SAMMSON: variants seen among roughly 807,000 people sequenced by gnomAD.
The protein encoded by SAMMSON is long intergenic non-protein coding RNA 1212.
chr3:70,165,833 T>C (rs1482745103), intron 4 of SAMMSON, among the ~76,000 whole-genome samples: 1 of 152,004 alleles, frequency 6.6e-6, no homozygotes, highest in Non-Finnish European at 1.5e-5. Context: ...TGCATCATAT[T>C]CCCAAAGCTA....
At chr3:70,407,922 G>A (rs1315007167) in intron 2 of SAMMSON, among the ~76,000 whole-genome samples, 1 of 152,218 alleles carries the variant, frequency 6.6e-6, no homozygotes, top group Admixed American at 6.5e-5. Flanking sequence ...CTTCTGCCTG[G>A]GCATCTAAGC....
At chr3:70,361,955 T>C (rs1328652717) in intron 9 of SAMMSON, among the ~76,000 whole-genome samples, 1 of 152,202 alleles carries the variant, frequency 6.6e-6, no homozygotes, top group East Asian at 1.9e-4. Flanking sequence ...TCTTTTGCTA[T>C]ATAAATAGAT....
At chr3:70,032,723 C>T (rs888133075) in intron 3 of SAMMSON, among the ~76,000 whole-genome samples, 4 of 152,118 alleles carry the variant, frequency 2.6e-5, no homozygotes, top group African/African-American at 9.7e-5. Flanking sequence ...GTGGTAGGGG[C>T]CAGCTGCTCT....
chr3:70,433,395 C>A (rs1051308402), intron 2 of SAMMSON, among the ~76,000 whole-genome samples: 49 of 152,106 alleles, frequency 3.2e-4, no homozygotes, highest in African/African-American at 1.1e-3. Flanking sequence ...TTTGCAATTC[C>A]CTGATAGTAT....
chr3:70,156,295 A>G (rs2067591586), intron 4 of SAMMSON, among the ~76,000 whole-genome samples: 1 of 152,094 alleles, frequency 6.6e-6, no homozygotes, highest in Admixed American at 6.6e-5. Flanking sequence ...ATCCCAAATC[A>G]CTGAAGTATT....
Position 70,385,565 on chromosome 3 carries a change from A to G in SAMMSON, n.914-4009A>G, listed in dbSNP as rs534402768. 7.2e-5 allele frequency among the ~76,000 whole-genome samples: 11 copies of G among 152,128 alleles called. No individual in the cohort carries two copies. In the South Asian group the frequency reaches 2.3e-3, roughly 31 times the overall value. On this transcript the variant is annotated intron_variant and non_coding_transcript_variant, in intron 9 of 9. Transcript: ENST00000642114. ...GACAATGGGGGGCACCAAGAATATTACCCATCCTTGAGTTGTCATGGTGTA... is the reference window on the plus strand; with the variant it reads ...GACAATGGGGGGCACCAAGAATATTGCCCATCCTTGAGTTGTCATGGTGTA...
At chr3:70,063,488 C>T (rs1026206380) in intron 3 of SAMMSON, among the ~76,000 whole-genome samples, 1 of 152,062 alleles carries the variant, frequency 6.6e-6, no homozygotes, top group African/African-American at 2.4e-5. Flanking sequence ...TTGAGATCCC[C>T]ATCAGCTTCT....
Position 70,281,403 on chromosome 3 carries a change from C to T in SAMMSON, n.675-9776C>T, listed in dbSNP as rs1702081710. Among the ~76,000 whole-genome samples, 4 of 152,124 alleles carry T rather than the reference C, an allele frequency of 2.6e-5. No individual in the cohort carries two copies. In the South Asian group the frequency reaches 6.2e-4, roughly 24 times the overall value. On this transcript the variant is annotated intron_variant and non_coding_transcript_variant, in intron 6 of 9. Coordinates refer to ENST00000642114, the Ensembl canonical transcript of SAMMSON. ...TACGATCATAAGCTTCAGAATTAAACCCCGTTTTCTAGAATTCTGTCTTTA... is the reference window on the plus strand; with the variant it reads ...TACGATCATAAGCTTCAGAATTAAATCCCGTTTTCTAGAATTCTGTCTTTA...
At chr3:70,302,391 G>A (rs1207698823) in intron 7 of SAMMSON, among the ~76,000 whole-genome samples, 1 of 152,066 alleles carries the variant, frequency 6.6e-6, no homozygotes, top group Non-Finnish European at 1.5e-5. Context: ...GTATCTCTTT[G>A]TAGAATTTAC....
chr3:70,156,050 C>G (rs954221109), intron 4 of SAMMSON, among the ~76,000 whole-genome samples: 2 of 151,998 alleles, frequency 1.3e-5, no homozygotes, highest in Non-Finnish European at 2.9e-5. Flanking sequence ...TGTGTTGGAG[C>G]CAAGACTCAA....
chr3:70,394,410 G>C (rs1477847212), downstream of SAMMSON, among the ~76,000 whole-genome samples: 1 of 152,076 alleles, frequency 6.6e-6, no homozygotes, highest in Non-Finnish European at 1.5e-5. Flanking sequence ...AAAAATGTTT[G>C]TCCCTATATG....
At chr3:70,393,659 A>T (rs1701067978), downstream of SAMMSON, among the ~76,000 whole-genome samples, 1 of 152,146 alleles carries the variant, frequency 6.6e-6, no homozygotes, top group Admixed American at 6.6e-5. Context: ...AAGAAATGAG[A>T]CTAAGGCTGA....
At chr3:70,342,917 T>C (rs1702722790) in intron 7 of SAMMSON, among the ~76,000 whole-genome samples, 1 of 152,158 alleles carries the variant, frequency 6.6e-6, no homozygotes, top group Non-Finnish European at 1.5e-5. Context: ...ATAGTTGAAG[T>C]CATTCAGCAT....
chr3:70,347,083 C>G (rs1054039184), intron 7 of SAMMSON, among the ~76,000 whole-genome samples: 1 of 152,158 alleles, frequency 6.6e-6, no homozygotes, highest in Admixed American at 6.5e-5. Context: ...TTGCAACATG[C>G]TAAAATAAGA....
chr3:70,046,523 T>C (rs1414185726), intron 3 of SAMMSON, among the ~76,000 whole-genome samples: 1 of 152,160 alleles, frequency 6.6e-6, no homozygotes, highest in Non-Finnish European at 1.5e-5. Flanking sequence ...TCTTGTACTT[T>C]CCAATTTTTA....
chr3:70,125,620 A>C (rs2067454674), intron 4 of SAMMSON: 1 of 699,684 alleles, frequency 1.4e-6, no homozygotes. Context: ...ATCTTTCTTA[A>C]ATGCAGCTGG....
In SAMMSON at chr3:70,086,174, G is replaced by A. The variant is rs536872571; in HGVS notation, n.507+14609G>A. Among the ~76,000 whole-genome samples, 9 of 152,286 alleles carry A rather than the reference G, an allele frequency of 5.9e-5. No individual in the cohort carries two copies. The South Asian group carries it at 1.2e-3, about 21-fold the overall frequency. On this transcript the variant is annotated intron_variant and non_coding_transcript_variant, in intron 4 of 9. Coordinates refer to ENST00000642114, the Ensembl canonical transcript of SAMMSON. Reference sequence around the variant, plus strand: ...GGAAGCAAGTTTTATCTTTGGTGCTGACAAAAATCTCTCCTGAGCCTGGCT... The same window carrying A: ...GGAAGCAAGTTTTATCTTTGGTGCTAACAAAAATCTCTCCTGAGCCTGGCT...
At chr3:70,324,149 A>ATCTC (rs1476437651) in intron 7 of SAMMSON, among the ~76,000 whole-genome samples, 5 of 137,182 alleles carry the variant, frequency 3.6e-5, no homozygotes, top group African/African-American at 1.1e-4. Context: ...ACCCCTTTAC[A>ATCTC]TCTCTCTATC....
At chr3:70,067,784 G>A (rs2067215581) in intron 3 of SAMMSON, among the ~76,000 whole-genome samples, 1 of 152,094 alleles carries the variant, frequency 6.6e-6, no homozygotes, top group Non-Finnish European at 1.5e-5. Flanking sequence ...TCATGCCAGA[G>A]GTTGCCTTAT....
Sources: gnomAD v4.1 joint callset for allele counts (sites outside exome capture counted in the v4.1 genomes callset) on GRCh38, gnomAD v4.1.1 for gene constraint, MANE v1.5 for transcripts, NCBI Gene and HGNC (gene_info 2026-07-23, HGNC 2026-07-21) for gene names.